The following SCGN variants were observed in gnomAD, a reference collection of about 807,000 sequenced individuals.
The protein encoded by SCGN is secretagogin.
A neutral mutation model predicts 39.7 loss-of-function variants in SCGN; 30 were observed. The observed-to-expected ratio is 0.76, with a 90% CI of 0.57 to 1.03. The LOEUF is 1.03. SCGN is among the 50% of genes least tolerant of loss of function. SCGN has a pLI of 0.00. For synonymous variants in SCGN, 106 were observed against 114.1 expected (o/e 0.93, Z 0.45); for missense variants, 353 against 349.4 (o/e 1.01, Z -0.08).
intron 3 of SCGN, among the ~76,000 whole-genome samples, chr6:25,661,996 A>G (rs1760347228): frequency 6.6e-6 from 1 of 152,220 alleles, no homozygotes; most frequent in African/African-American, 2.4e-5. Flanking sequence ...GAACATTGAT[A>G]TAAGGAAAAA....
chr6:25,674,459 A>C lies in SCGN; in HGVS notation c.471+4383A>C, dbSNP rs917609200. Among the ~76,000 whole-genome samples the C allele has an allele frequency of 8.5e-5, 13 of 152,216 alleles. 1 individual carries two copies. Among genetic ancestry groups the C allele is most frequent in the African/African-American group, 3.1e-4 (13 of 41,448 alleles). On this transcript the variant is annotated intron_variant, in intron 6 of 10. Transcript: ENST00000377961. ...TGGGTGTACTAACTTCTAGGAACTT[A>C]ACTTTTTAGAAAATGACTTCTGCAT...
chr6:25,686,732 G>T (rs1487172316), intron 7 of SCGN, among the ~76,000 whole-genome samples: 1 of 151,762 alleles, frequency 6.6e-6, no homozygotes, highest in Non-Finnish European at 1.5e-5. Context: ...TTTTTTGGTT[G>T]TTTGTGTTTT....
intron 6 of SCGN, among the ~76,000 whole-genome samples, chr6:25,680,398 A>G (rs1418613494): frequency 6.6e-6 from 1 of 152,228 alleles, no homozygotes; most frequent in Non-Finnish European, 1.5e-5. Context: ...TCAGAGATGG[A>G]AAAATTAGGC....
In SCGN at chr6:25,701,267, G is replaced by A. The variant is rs200081828; in HGVS notation, c.763G>A (p.Val255Met). 2.5e-6 allele frequency: 4 copies of A among 1,613,584 alleles called. No individual in the cohort carries two copies. The highest frequency in any genetic ancestry group is 3.4e-6 in the Non-Finnish European group (4 of 1,179,858). The change falls in exon 11 of 11, where the codon GTG (valine) becomes ATG (methionine). Residue 255 changes from valine (V) to methionine (M), a missense_variant. Val to Met is a conservative substitution (Grantham distance 21). Transcript: ENST00000377961. The stretch of plus-strand genomic sequence containing the variant: ...CGAGATTCTCCTGCGTCACTGCGAC[G>A]TGAACAAGGATGGAAAAATTCAGAA... ...FREILLRHCD[V>M]NKDGKIQKSE... is the part of the protein sequence containing the mutation.
chr6:25,660,101 T>A (rs1760311117), intron 2 of SCGN, among the ~76,000 whole-genome samples: 1 of 152,304 alleles, frequency 6.6e-6, no homozygotes, highest in South Asian at 2.1e-4. Flanking sequence ...TTATAGTACA[T>A]TTTTTTCTGC....
intron 10 of SCGN, among the ~76,000 whole-genome samples, chr6:25,693,817 C>T (rs1157522386): frequency 2.6e-5 from 4 of 152,124 alleles, no homozygotes; most frequent in Non-Finnish European, 2.9e-5. Context: ...GCTAAGAATT[C>T]GGATTCTAGG....
Position 25,680,085 on chromosome 6 carries a change from A to G in SCGN, c.472-1866A>G, listed in dbSNP as rs960761869. On this transcript the variant is annotated intron_variant, in intron 6 of 10. Transcript: ENST00000377961. ...TTTACATTATAAGGATGTTGTGATAATTAAATGTAATAACATAAAAACTAT... is the reference window on the plus strand; with the variant it reads ...TTTACATTATAAGGATGTTGTGATAGTTAAATGTAATAACATAAAAACTAT... Among the ~76,000 whole-genome samples the G allele has an allele frequency of 3.9e-5, 6 of 152,392 alleles. No homozygotes were observed. The East Asian group carries it at 1.2e-3, about 29-fold the overall frequency.
Position 25,665,023 on chromosome 6 carries a change from G to A in SCGN, c.327G>A (p.Glu109=), listed in dbSNP as rs1223686339. The A allele has an allele frequency of 1.2e-6, 2 of 1,613,078 alleles. No individual in the cohort carries two copies. The highest frequency in any genetic ancestry group is 4.5e-5 in the East Asian group (2 of 44,896). Residue 109 remains glutamate, a synonymous_variant, in exon 4 of 11, where the codon GAG becomes GAA. Coordinates refer to ENST00000377961, the MANE Select transcript of SCGN (RefSeq NM_006998.4). ...RRENPLDSSV[E]FMQIWRKYDA... ...AAAACCCACTGGACAGCAGCGTGGA[G>A]TTTATGCAGGTGAGTGCTTGGTTGT...
intron 10 of SCGN, among the ~76,000 whole-genome samples, chr6:25,694,824 A>G (rs1759819376): frequency 6.6e-6 from 1 of 152,156 alleles, no homozygotes; most frequent in Non-Finnish European, 1.5e-5. Context: ...GTTGAATTTC[A>G]TATTTCTTGG....
rs188303729 is a variant in SCGN, at chr6:25,652,338, G to A, written c.-66G>A. ...AGGAGAGCAAGTCAAGAAATACGGT[G>A]AAGGAGTCCTTCCCAAAGTTGTCTA... On this transcript the variant is annotated 5_prime_UTR_variant, in exon 1 of 11. Transcript: ENST00000377961. 2,547 of 1,212,400 alleles carry A rather than the reference G, an allele frequency of 2.1e-3. 30 individuals carry two copies. In the African/African-American group the frequency reaches 0.03, roughly 14 times the overall value. The allele number at this position is 1,212,400 out of a possible 1,614,324, so 75.1% of individuals were successfully genotyped here.
chr6:25,683,785 T>C (rs1450897471), intron 7 of SCGN, among the ~76,000 whole-genome samples: 2 of 152,200 alleles, frequency 1.3e-5, no homozygotes, highest in Non-Finnish European at 2.9e-5. Context: ...TTTTATGAAA[T>C]AATAAGTCTT....
At chr6:25,666,798 T>C (rs1181032977) in intron 4 of SCGN, among the ~76,000 whole-genome samples, 1 of 152,158 alleles carries the variant, frequency 6.6e-6, no homozygotes, top group Non-Finnish European at 1.5e-5. Flanking sequence ...ACACAAAAAA[T>C]ATTGGTTGTT....
At position 25,659,092 on chromosome 6, in the gene SCGN, A is replaced by G. The variant is rs74813146; in HGVS notation, c.154-2460A>G. 9.0e-3 allele frequency among the ~76,000 whole-genome samples: 1,369 copies of G among 152,310 alleles called. 17 individuals are homozygous for G. The highest frequency in any genetic ancestry group is 0.03 in the African/African-American group (1,236 of 41,566). On this transcript the variant is annotated intron_variant, in intron 2 of 10. Coordinates refer to ENST00000377961, the MANE Select transcript of SCGN (RefSeq NM_006998.4). ...TGAGTTGGTACGATGGATGACAATT[A>G]TCAGGGGCTGAGGTCTAGCATAATG... is the stretch of plus-strand genomic sequence containing the variant.
chr6:25,701,363 A>G lies in SCGN; in HGVS notation c.*28A>G, dbSNP rs1007884928. On this transcript the variant is annotated 3_prime_UTR_variant, in exon 11 of 11. Coordinates refer to ENST00000377961, the MANE Select transcript of SCGN (RefSeq NM_006998.4). ...CCAGACTGCTTTGCCTTTTGCTCTTACTATGTTTCTGTGATCTTGCTGGTA... is the reference window on the plus strand; with the variant it reads ...CCAGACTGCTTTGCCTTTTGCTCTTGCTATGTTTCTGTGATCTTGCTGGTA... The G allele has an allele frequency of 6.2e-7, 1 of 1,601,682 alleles. No individual in the cohort carries two copies. Among genetic ancestry groups the G allele is most frequent in the African/African-American group, 1.3e-5 (1 of 74,464 alleles).
chr6:25,667,710 G>C (rs1044678462), intron 4 of SCGN, among the ~76,000 whole-genome samples: 3 of 151,804 alleles, frequency 2.0e-5, no homozygotes, highest in African/African-American at 7.3e-5. Context: ...ATCCTTTACC[G>C]GGAGTCTGCT....
intron 2 of SCGN, among the ~76,000 whole-genome samples, chr6:25,655,537 G>A (rs1037961952): frequency 3.3e-5 from 5 of 152,196 alleles, no homozygotes; most frequent in African/African-American, 1.2e-4. Context: ...AAAGAGGACA[G>A]CAAAGGACTC....
intron 1 of SCGN, 67 bp downstream of exon 1, chr6:25,652,552 A>C: frequency 6.8e-7 from 1 of 1,465,304 alleles, no homozygotes; most frequent in African/African-American, 1.4e-5. Flanking sequence ...CGCTGAAAGG[A>C]CCTGGAGTTT....
chr6:25,671,187 T>C (rs1010315209), intron 6 of SCGN, among the ~76,000 whole-genome samples: 5 of 152,220 alleles, frequency 3.3e-5, no homozygotes, highest in African/African-American at 1.2e-4. Flanking sequence ...GTCTAACAAC[T>C]TCTCTACAGT....
chr6:25,681,616 C>A (rs1216551344), intron 6 of SCGN, among the ~76,000 whole-genome samples: 1 of 152,172 alleles, frequency 6.6e-6, no homozygotes, highest in East Asian at 1.9e-4. Context: ...TCTGCCATGG[C>A]AATCAGGAAT....
Sources: gnomAD v4.1 joint callset for allele counts (sites outside exome capture counted in the v4.1 genomes callset) on GRCh38, gnomAD v4.1.1 for gene constraint, MANE v1.5 for transcripts, NCBI Gene and HGNC (gene_info 2026-07-23, HGNC 2026-07-21) for gene names.